The following SCFD2 variants were observed in gnomAD, a reference collection of about 807,000 sequenced individuals.
SCFD2 encodes the protein sec1 family domain containing 2.
In SCFD2, 54 loss-of-function variants were observed where a neutral mutation model predicts 58.9. The observed-to-expected ratio is 0.92, with a 90% CI of 0.74 to 1.15. SCFD2 has a LOEUF of 1.15. SCFD2 is among the 50% of genes most tolerant of loss of function. SCFD2 has a pLI of 0.00. For missense variants in SCFD2, 805 were observed against 836.6 expected (o/e 0.96, Z 0.47); for synonymous variants, 321 against 335.9 (o/e 0.96, Z 0.49).
chr4:53,216,418 T>C (rs1043227552), intron 4 of SCFD2, among the ~76,000 whole-genome samples: 3 of 152,244 alleles, frequency 2.0e-5, no homozygotes, highest in African/African-American at 7.2e-5. Flanking sequence ...TTCTAGATTT[T>C]CTAGTTTATT....
chr4:53,259,749 T>G (rs1730772163), intron 4 of SCFD2, among the ~76,000 whole-genome samples: 1 of 152,170 alleles, frequency 6.6e-6, no homozygotes, highest in Non-Finnish European at 1.5e-5. Flanking sequence ...TCTAGTTCTG[T>G]GAAGAATGAT....
intron 5 of SCFD2, chr4:52,956,021 G>C (rs1302624703): frequency 2.2e-6 from 1 of 456,430 alleles, no homozygotes; most frequent in East Asian, 7.0e-5. Context: ...CTTCACTGTG[G>C]GACTTCAGAT....
rs552483034 is a variant in SCFD2, at chr4:53,088,113, A to G, written c.1561+57220T>C. Among the ~76,000 whole-genome samples, 105 of 152,356 alleles carry G rather than the reference A, an allele frequency of 6.9e-4. No homozygotes were observed. The Middle Eastern group carries it at 0.014, about 20-fold the overall frequency. ...GATTTAGAAAATTCTTAGACTATCCATATTGCAAAACAAGATAACAGTAAA... is the reference window on the plus strand; with the variant it reads ...GATTTAGAAAATTCTTAGACTATCCGTATTGCAAAACAAGATAACAGTAAA... On this transcript the variant is annotated intron_variant, in intron 5 of 8. Transcript: ENST00000401642.
intron 5 of SCFD2, among the ~76,000 whole-genome samples, chr4:52,960,413 G>C (rs192249388): frequency 2.1e-4 from 32 of 150,606 alleles, no homozygotes; most frequent in Non-Finnish European, 3.0e-4. Flanking sequence ...TTGTTGCCCA[G>C]GCTGGAGTGC....
intron 4 of SCFD2, among the ~76,000 whole-genome samples, chr4:53,211,612 A>G (rs1165299553): frequency 6.6e-6 from 1 of 152,058 alleles, no homozygotes; most frequent in Admixed American, 6.5e-5. Context: ...CTGATGCTAT[A>G]TCTCTGGGTA....
At chr4:53,226,696 T>G (rs922004120) in intron 4 of SCFD2, among the ~76,000 whole-genome samples, 1 of 152,074 alleles carries the variant, frequency 6.6e-6, no homozygotes, top group Non-Finnish European at 1.5e-5. Context: ...TTAAATTAAT[T>G]GAATTATTTA....
chr4:53,164,185 C>T (rs1430938063), intron 4 of SCFD2, among the ~76,000 whole-genome samples: 1 of 152,082 alleles, frequency 6.6e-6, no homozygotes, highest in Non-Finnish European at 1.5e-5. Flanking sequence ...CAAAAGGATG[C>T]TTCTATTTAT....
intron 4 of SCFD2, among the ~76,000 whole-genome samples, chr4:53,161,090 T>C (rs1050989805): frequency 5.3e-5 from 8 of 152,182 alleles, no homozygotes; most frequent in Admixed American, 2.0e-4. Context: ...TATATCCATG[T>C]AAAATACAAA....
intron 5 of SCFD2, among the ~76,000 whole-genome samples, chr4:53,105,968 C>T (rs939598541): frequency 2.0e-5 from 3 of 148,232 alleles, no homozygotes; most frequent in Non-Finnish European, 3.0e-5. Flanking sequence ...CTGGTGGGTG[C>T]CCCTCTGGGA....
chr4:53,177,573 C>T (rs1241727325), intron 4 of SCFD2, among the ~76,000 whole-genome samples: 2 of 152,354 alleles, frequency 1.3e-5, no homozygotes, highest in East Asian at 1.9e-4. Context: ...CGGTCTACAG[C>T]TCCCAGCGTG....
chr4:53,252,695 A>C (rs1165467609), intron 4 of SCFD2, among the ~76,000 whole-genome samples: 2 of 152,198 alleles, frequency 1.3e-5, no homozygotes, highest in Admixed American at 1.3e-4. Flanking sequence ...TAGAAAGCTG[A>C]AACTGGATCC....
At chr4:52,952,275 A>G (rs1170664150) in intron 5 of SCFD2, among the ~76,000 whole-genome samples, 4 of 40,758 alleles carry the variant, frequency 9.8e-5, no homozygotes, top group African/African-American at 2.1e-4. Flanking sequence ...ATCCCCTCTC[A>G]CACCCCCATC....
At chr4:53,129,355 A>G (rs1725722325) in intron 5 of SCFD2, among the ~76,000 whole-genome samples, 1 of 152,274 alleles carries the variant, frequency 6.6e-6, no homozygotes, top group South Asian at 2.1e-4. Flanking sequence ...TGCTAAAGAC[A>G]GAATAAACAA....
At chr4:53,194,953 A>G (rs1728017416) in intron 4 of SCFD2, among the ~76,000 whole-genome samples, 1 of 152,208 alleles carries the variant, frequency 6.6e-6, no homozygotes, top group Non-Finnish European at 1.5e-5. Context: ...TTTGAACTGG[A>G]CAGATTGGAC....
At chr4:52,919,267 C>G (rs1719679097) in intron 6 of SCFD2, among the ~76,000 whole-genome samples, 1 of 152,184 alleles carries the variant, frequency 6.6e-6, no homozygotes, top group South Asian at 2.1e-4. Flanking sequence ...GCCAACTACA[C>G]CAGCCACTTG....
chr4:52,998,457 A>G lies in SCFD2; in HGVS notation c.1562-77587T>C, dbSNP rs180820844. 5.8e-4 allele frequency among the ~76,000 whole-genome samples: 88 copies of G among 152,376 alleles called. 1 individual carries two copies. Among genetic ancestry groups the G allele is most frequent in the Non-Finnish European group, 5.0e-4 (34 of 68,034 alleles). ...CATATTCAGCCGTCAGAGTATGTCAATGATAAGAGATTAAATCCTTCTTGT... is the reference window on the plus strand; with the variant it reads ...CATATTCAGCCGTCAGAGTATGTCAGTGATAAGAGATTAAATCCTTCTTGT... On this transcript the variant is annotated intron_variant, in intron 5 of 8. Coordinates refer to ENST00000401642, the MANE Select transcript of SCFD2 (RefSeq NM_152540.4).
At chr4:53,196,115 T>C (rs1411273529) in intron 4 of SCFD2, among the ~76,000 whole-genome samples, 1 of 152,178 alleles carries the variant, frequency 6.6e-6, no homozygotes, top group Non-Finnish European at 1.5e-5. Context: ...TAAGACTTCA[T>C]GTAATTACTT....
chr4:53,251,092 A>C (rs1175050381), intron 4 of SCFD2, among the ~76,000 whole-genome samples: 1 of 152,208 alleles, frequency 6.6e-6, no homozygotes, highest in Non-Finnish European at 1.5e-5. Context: ...CCATCAGATA[A>C]TACTACAAAC....
Position 52,885,785 on chromosome 4 carries a change from C to T in SCFD2, c.1924G>A (p.Val642Ile), listed in dbSNP as rs2109447328. The T allele has an allele frequency of 6.2e-7, 1 of 1,614,124 alleles. No individual in the cohort carries two copies. Among genetic ancestry groups the T allele is most frequent in the Non-Finnish European group, 8.5e-7 (1 of 1,179,998 alleles). ...GGVTVSEVKM[V>I]KDLVASLKPG... ...TTCAACGATGCCACAAGATCTTTGACCATTTTCACTTCAGAGACTGTGACC... is the reference window on the plus strand; with the variant it reads ...TTCAACGATGCCACAAGATCTTTGATCATTTTCACTTCAGAGACTGTGACC... The change falls in exon 8 of 9, where the codon GTC (valine) becomes ATC (isoleucine). Residue 642 changes from valine (V) to isoleucine (I), a missense_variant. Val to Ile is a conservative substitution (Grantham distance 29). Transcript: ENST00000401642.
Sources: allele counts gnomAD v4.1 joint callset (sites outside exome capture counted in the v4.1 genomes callset), GRCh38; gene constraint gnomAD v4.1.1; transcripts MANE v1.5; gene names NCBI Gene and HGNC (gene_info 2026-07-23, HGNC 2026-07-21).